Variants in MSI2 observed in about 807,000 individuals in gnomAD.
MSI2 encodes the protein RNA-binding protein Musashi homolog 2.
A neutral mutation model predicts 45.6 loss-of-function variants in MSI2; 17 were observed. The ratio of observed to expected loss-of-function variants is 0.37; its 90% CI spans 0.26 to 0.56. The LOEUF is 0.56. Among genes scored for constraint, MSI2 ranks in the 20% least tolerant of loss-of-function variants. The probability of loss-of-function intolerance (pLI) is 0.77; values close to 1 mark genes in which losing one functional copy is unlikely to be tolerated. For synonymous variants in MSI2, 156 were observed against 158.2 expected (o/e 0.99, Z 0.11); for missense variants, 293 against 444.2 (o/e 0.66, Z 3.06).
intron 6 of MSI2, among the ~76,000 whole-genome samples, chr17:57,402,922 C>T (rs903490704): frequency 6.6e-6 from 1 of 152,138 alleles, no homozygotes; most frequent in Admixed American, 6.5e-5. Context: ...TTCTCTCTTC[C>T]AGACTGATGT....
At chr17:57,662,522 A>G (rs570992436) in intron 11 of MSI2, among the ~76,000 whole-genome samples, 1 of 152,314 alleles carries the variant, frequency 6.6e-6, no homozygotes, top group African/African-American at 2.4e-5. Flanking sequence ...TAAAAACTGT[A>G]GTTTGGAAAG....
chr17:57,504,168 A>G (rs1199319727), intron 6 of MSI2, among the ~76,000 whole-genome samples: 1 of 152,018 alleles, frequency 6.6e-6, no homozygotes, highest in Non-Finnish European at 1.5e-5. Context: ...ATGCCAGGGC[A>G]TTGCCCTCTC....
At chr17:57,438,222 T>A in intron 6 of MSI2, among the ~76,000 whole-genome samples, 1 of 152,026 alleles carries the variant, frequency 6.6e-6, no homozygotes. Context: ...GAAGGCAGGA[T>A]GGGGTCCCCA....
intron 6 of MSI2, among the ~76,000 whole-genome samples, chr17:57,411,673 T>C (rs73327245): frequency 0.039 from 5,860 of 152,150 alleles, 363 homozygotes; most frequent in African/African-American, 0.13. Flanking sequence ...GAGGTGATCT[T>C]CTTTGGGGTG....
chr17:57,342,347 A>G (rs1915243193), intron 5 of MSI2, among the ~76,000 whole-genome samples: 1 of 152,068 alleles, frequency 6.6e-6, no homozygotes, highest in African/African-American at 2.4e-5. Context: ...CTGAGAGGCC[A>G]CCCCCTGAGA....
intron 7 of MSI2, among the ~76,000 whole-genome samples, chr17:57,537,694 T>C (rs946664134): frequency 1.3e-5 from 2 of 152,194 alleles, no homozygotes; most frequent in African/African-American, 4.8e-5. Flanking sequence ...ATTCCGGCGC[T>C]GTCTCTTGAG....
chr17:57,342,516 G>C (rs998822658), intron 5 of MSI2, among the ~76,000 whole-genome samples: 1 of 152,150 alleles, frequency 6.6e-6, no homozygotes, highest in Non-Finnish European at 1.5e-5. Context: ...TTTTCCTCTT[G>C]TTCAGAGGAA....
In MSI2 at chr17:57,363,370, G is replaced by A. The variant is rs190653329; in HGVS notation, c.313-38009G>A. On this transcript the variant is annotated intron_variant, in intron 5 of 13. Transcript: ENST00000284073. ...TTTATTTATTAGGTCACAAGGGGGT[G>A]GGGAGCTCTGTGACAAAAAGAGCTC... 3.7e-3 allele frequency among the ~76,000 whole-genome samples: 565 copies of A among 152,256 alleles called. 4 individuals carry two copies. The highest frequency in any genetic ancestry group is 6.0e-3 in the Admixed American group (92 of 15,286).
Position 57,681,822 on chromosome 17 carries a change from A to AG in MSI2, c.*2305_*2306insG, listed in dbSNP as rs1913618486. On this transcript the variant is annotated 3_prime_UTR_variant, in exon 14 of 14. Coordinates refer to ENST00000284073, the MANE Select transcript of MSI2 (RefSeq NM_138962.4). ...ACAACAAAACATAAGTTTTATTTAAAAAAAAAAAAAGAAAGAAAAAATAGT... is the reference window on the plus strand; with the variant it reads ...ACAACAAAACATAAGTTTTATTTAAAGAAAAAAAAAAGAAAGAAAAAATAGT... 1 of 193,518 alleles carries AG rather than the reference A, an allele frequency of 5.2e-6. No homozygotes were observed. Among genetic ancestry groups the AG allele is most frequent in the Non-Finnish European group, 1.1e-5 (1 of 93,256 alleles). The allele number at this position is 193,518 out of a possible 1,614,324, so 12.0% of individuals were successfully genotyped here. A position where few individuals can be genotyped will look rare whatever the true frequency, so the allele number is the denominator to read the frequency against.
Position 57,529,367 on chromosome 17 carries a change from T to C in MSI2, c.406-309T>C, listed in dbSNP as rs537639959. ...AGGAGGATTGCTTGAGCTCAGGAGGTCGAGACTGCAGTGAGCCGTGATGGT... is the reference window on the plus strand; with the variant it reads ...AGGAGGATTGCTTGAGCTCAGGAGGCCGAGACTGCAGTGAGCCGTGATGGT... On this transcript the variant is annotated intron_variant, in intron 6 of 13. Transcript: ENST00000284073. This position sits in a 1 kb window ranked among gnomAD's most constrained non-coding sequence, Gnocchi z 5.3. Among the ~76,000 whole-genome samples, 16 of 152,070 alleles carry C rather than the reference T, an allele frequency of 1.1e-4. No individual in the cohort carries two copies. The highest frequency in any genetic ancestry group is 4.6e-4 in the Admixed American group (7 of 15,268).
At chr17:57,547,287 C>A (rs1407893870) in intron 7 of MSI2, among the ~76,000 whole-genome samples, 1 of 152,092 alleles carries the variant, frequency 6.6e-6, no homozygotes, top group Non-Finnish European at 1.5e-5. Flanking sequence ...CAGATGGGAA[C>A]CCTCAGGAGG....
chr17:57,577,963 C>A (rs1022041420), intron 7 of MSI2, among the ~76,000 whole-genome samples: 2 of 152,188 alleles, frequency 1.3e-5, no homozygotes, highest in African/African-American at 4.8e-5. Context: ...TTTGGAAAAA[C>A]AGCCAAGTGT....
chr17:57,525,427 G>A (rs982045117), intron 6 of MSI2, among the ~76,000 whole-genome samples: 7 of 152,102 alleles, frequency 4.6e-5, no homozygotes, highest in African/African-American at 1.2e-4. Context: ...TGGAACCACT[G>A]GTGTGTGCCA....
intron 6 of MSI2, among the ~76,000 whole-genome samples, chr17:57,474,488 A>G (rs555100404): frequency 4.6e-5 from 7 of 152,198 alleles, no homozygotes; most frequent in African/African-American, 1.7e-4. Context: ...GTTGCGCAGC[A>G]TCTCTGGCCT....
intron 5 of MSI2, among the ~76,000 whole-genome samples, chr17:57,334,801 A>AAAT (rs1567763799): frequency 1.3e-5 from 2 of 151,956 alleles, no homozygotes; most frequent in African/African-American, 4.8e-5. Context: ...CTCAAAAAAA[A>AAAT]AAATAAATAA....
intron 6 of MSI2, among the ~76,000 whole-genome samples, chr17:57,429,502 A>G (rs999281216): frequency 1.3e-5 from 2 of 152,102 alleles, no homozygotes; most frequent in African/African-American, 4.8e-5. Flanking sequence ...GGAGGCTGTG[A>G]TGAAGTAAGG....
chr17:57,499,375 T>TAAAAA lies in MSI2; in HGVS notation c.406-30287_406-30283dup, dbSNP rs55797448. ...TGGGCAACAGAGTAAGATTCTGTCT[T>TAAAAA]AAAAAAAAAAAAAAAAAAGGGCAGC... On this transcript the variant is annotated intron_variant, in intron 6 of 13. Coordinates refer to ENST00000284073, the MANE Select transcript of MSI2 (RefSeq NM_138962.4). Among the ~76,000 whole-genome samples the TAAAAA allele has an allele frequency of 7.4e-3, 930 of 125,766 alleles. 16 individuals carry two copies. The highest frequency in any genetic ancestry group is 0.028 in the African/African-American group (897 of 32,546). The allele number at this position is 125,766 out of a possible 152,430, so 82.5% of individuals were successfully genotyped here.
chr17:57,647,799 A>G (rs1308224629), intron 10 of MSI2, among the ~76,000 whole-genome samples: 1 of 149,200 alleles, frequency 6.7e-6, no homozygotes, highest in Non-Finnish European at 1.5e-5. Flanking sequence ...GCGCCACCAC[A>G]CCCAGCTAAT....
At chr17:57,263,135 C>T (rs1907471038) in intron 5 of MSI2, among the ~76,000 whole-genome samples, 1 of 152,100 alleles carries the variant, frequency 6.6e-6, no homozygotes, top group Non-Finnish European at 1.5e-5. Flanking sequence ...AGAAGTGGAA[C>T]CTTTTAATCG....
Sources: gnomAD v4.1 joint callset for allele counts (sites outside exome capture counted in the v4.1 genomes callset) on GRCh38, gnomAD v4.1.1 for gene constraint, Gnocchi (gnomAD v3.1) non-coding constraint, MANE v1.5 for transcripts, NCBI Gene and HGNC (gene_info 2026-07-23, HGNC 2026-07-21) for gene names.